The following DTNA variants were observed in gnomAD, a reference collection of about 807,000 sequenced individuals.
The protein encoded by DTNA is dystrophin-related protein 3.
DTNA carries 43 observed loss-of-function variants against 100.7 expected under a neutral mutation model. That is an observed-to-expected ratio of 0.43 (90% CI 0.33 to 0.55). DTNA has a LOEUF of 0.55. Among genes scored for constraint, DTNA ranks in the 20% least tolerant of loss-of-function variants. DTNA has a pLI of 0.04. For missense variants in DTNA, 798 were observed against 953.9 expected (o/e 0.84, Z 2.15); for synonymous variants, 349 against 347.9 (o/e 1.00, Z -0.04).
intron 1 of DTNA, among the ~76,000 whole-genome samples, chr18:34,649,319 T>C (rs1042995513): frequency 6.6e-6 from 1 of 152,198 alleles, no homozygotes; most frequent in African/African-American, 2.4e-5. Context: ...TTGGGATTGA[T>C]ATATCTGCAA....
At chr18:34,832,875 A>G (rs1411731137) in intron 11 of DTNA, among the ~76,000 whole-genome samples, 1 of 152,222 alleles carries the variant, frequency 6.6e-6, no homozygotes, top group African/African-American at 2.4e-5. Flanking sequence ...TTACTAGACT[A>G]TAATTCTAGT....
chr18:34,714,879 A>T (rs1289329024), intron 1 of DTNA, among the ~76,000 whole-genome samples: 1 of 152,182 alleles, frequency 6.6e-6, no homozygotes, highest in Middle Eastern at 3.2e-3. Flanking sequence ...ATGCAGCCAT[A>T]AAAAATAATG....
At chr18:34,790,847 G>C (rs2094706813) in intron 3 of DTNA, among the ~76,000 whole-genome samples, 1 of 152,074 alleles carries the variant, frequency 6.6e-6, no homozygotes, top group Non-Finnish European at 1.5e-5. Flanking sequence ...ATTGGGTGGT[G>C]GCAATAAAGG....
chr18:34,609,743 G>A (rs1465129555), intron 1 of DTNA, among the ~76,000 whole-genome samples: 1 of 152,064 alleles, frequency 6.6e-6, no homozygotes, highest in Non-Finnish European at 1.5e-5. Flanking sequence ...TTGGACTCAC[G>A]TGATAACTGT....
At chr18:34,756,748 A>G (rs988087451) in intron 2 of DTNA, among the ~76,000 whole-genome samples, 11 of 152,132 alleles carry the variant, frequency 7.2e-5, no homozygotes, top group African/African-American at 2.7e-4. Context: ...GGTTGGTAGC[A>G]TCTCCCTTGT....
intron 1 of DTNA, among the ~76,000 whole-genome samples, chr18:34,512,808 AT>A (rs2041222979): frequency 6.6e-6 from 1 of 152,070 alleles, no homozygotes; most frequent in Non-Finnish European, 1.5e-5. Flanking sequence ...CATTGTTTGC[AT>A]CTTGCAGGTT....
intron 13 of DTNA, 103 bp from the exon 14 acceptor site, chr18:34,848,193 T>C (rs2096413898): frequency 9.0e-7 from 1 of 1,113,162 alleles, no homozygotes; most frequent in Non-Finnish European, 1.3e-6. Context: ...TTGCAAATCT[T>C]TTGCACCAAA....
At chr18:34,685,807 C>A (rs2078811171) in intron 1 of DTNA, among the ~76,000 whole-genome samples, 1 of 151,980 alleles carries the variant, frequency 6.6e-6, no homozygotes, top group Non-Finnish European at 1.5e-5. Flanking sequence ...GTCACCTCTT[C>A]TTTCCTTGAG....
intron 1 of DTNA, among the ~76,000 whole-genome samples, chr18:34,584,600 G>A (rs891918032): frequency 6.6e-6 from 1 of 152,130 alleles, no homozygotes; most frequent in African/African-American, 2.4e-5. Context: ...GAGTCTCAAG[G>A]TTAGTTTCAG....
chr18:34,662,939 T>C (rs1000525516), intron 1 of DTNA: 6 of 152,114 alleles, frequency 3.9e-5, no homozygotes, highest in Admixed American at 3.9e-4. Flanking sequence ...ATTATTTGCC[T>C]TTTTCACTAT....
chr18:34,794,260 C>G lies in DTNA; in HGVS notation c.362+10C>G. The G allele has an allele frequency of 6.2e-7, 1 of 1,613,900 alleles. No individual in the cohort carries two copies. Among genetic ancestry groups the G allele is most frequent in the African/African-American group, 1.3e-5 (1 of 75,032 alleles). On this transcript the variant is annotated intron_variant, in intron 4 of 22. Transcript: ENST00000444659. The stretch of plus-strand genomic sequence containing the variant: ...TTGCAGCGTTTGATCCGTAAGCACC[C>G]TCTGAATGTCTGTTCCTCTCTACAT...
chr18:34,569,886 TACACACAC>T (rs143877334), intron 1 of DTNA, among the ~76,000 whole-genome samples: 99 of 147,316 alleles, frequency 6.7e-4, no homozygotes, highest in African/African-American at 2.3e-3. Flanking sequence ...CATACACACA[TACACACAC>T]ACACACACAC....
chr18:34,834,321 C>G (rs1431794041), intron 11 of DTNA, among the ~76,000 whole-genome samples: 2 of 151,682 alleles, frequency 1.3e-5, no homozygotes, highest in African/African-American at 4.8e-5. Flanking sequence ...CATGGTGAAA[C>G]CCTGTCTCTA....
intron 1 of DTNA, among the ~76,000 whole-genome samples, chr18:34,702,412 T>C (rs566439529): frequency 1.3e-5 from 2 of 152,284 alleles, no homozygotes; most frequent in East Asian, 3.9e-4. Context: ...AAATTAGTCT[T>C]CAGCATAAGT....
At chr18:34,695,924 G>A (rs1224189775) in intron 1 of DTNA, among the ~76,000 whole-genome samples, 3 of 152,074 alleles carry the variant, frequency 2.0e-5, no homozygotes, top group African/African-American at 7.2e-5. Flanking sequence ...TACACATTGA[G>A]TGGTTAAGGA....
intron 6 of DTNA, among the ~76,000 whole-genome samples, chr18:34,813,161 A>G (rs1356715481): frequency 6.6e-6 from 1 of 152,146 alleles, no homozygotes; most frequent in Admixed American, 6.5e-5. Flanking sequence ...TGAGAATCCA[A>G]ACTAACTTTT....
intron 1 of DTNA, among the ~76,000 whole-genome samples, chr18:34,595,378 G>A (rs571450647): frequency 8.6e-5 from 13 of 150,358 alleles, no homozygotes; most frequent in Admixed American, 2.0e-4. Flanking sequence ...TTTTTTCAGT[G>A]TGTCAAAAAA....
intron 1 of DTNA, among the ~76,000 whole-genome samples, chr18:34,689,493 T>G (rs2079421188): frequency 6.6e-6 from 1 of 152,180 alleles, no homozygotes. Flanking sequence ...CAGCAGAGAT[T>G]GCTGCCTGCT....
intron 1 of DTNA, among the ~76,000 whole-genome samples, chr18:34,550,085 C>T (rs2045239732): frequency 6.6e-6 from 1 of 152,130 alleles, no homozygotes; most frequent in African/African-American, 2.4e-5. Flanking sequence ...AGGTAAACAA[C>T]TCTAGAAAGC....
Sources: allele counts gnomAD v4.1 joint callset (sites outside exome capture counted in the v4.1 genomes callset), GRCh38; gene constraint gnomAD v4.1.1; transcripts MANE v1.5; gene names NCBI Gene and HGNC (gene_info 2026-07-23, HGNC 2026-07-21).